C2CD3: variants seen among roughly 807,000 people sequenced by gnomAD.
C2CD3 encodes C2 domain-containing protein 3.
Under a neutral mutation model 234.0 loss-of-function variants are expected in C2CD3, and 148 were observed. The observed-to-expected ratio is 0.63, with a 90% CI of 0.55 to 0.72. C2CD3 has a LOEUF of 0.72. Ranked by LOEUF, C2CD3 falls within the 30% of genes least tolerant of loss-of-function variation. The pLI is 0.00. For synonymous variants in C2CD3, 1,000 were observed against 1,035.4 expected (o/e 0.97, Z 0.66); for missense variants, 2,577 against 2,811.5 (o/e 0.92, Z 1.89).
At chr11:74,150,519 A>AAAAAAAAAAAAAAAAAAAT (rs1855555255) in intron 3 of C2CD3, among the ~76,000 whole-genome samples, 1 of 76,322 alleles carries the variant, frequency 1.3e-5, no homozygotes, top group Non-Finnish European at 2.9e-5. Context: ...AAAAAAACAA[A>AAAAAAAAAAAAAAAAAAAT]AAAAAAACAA....
intron 3 of C2CD3, among the ~76,000 whole-genome samples, chr11:74,152,364 C>G (rs917492623): frequency 5.3e-5 from 8 of 152,178 alleles, no homozygotes; most frequent in Admixed American, 2.6e-4. Flanking sequence ...AGATTACCTA[C>G]ACAGCCCTGA....
chr11:74,139,615 T>C lies in C2CD3; in HGVS notation c.697A>G (p.Thr233Ala), dbSNP rs1957979244. 4.3e-6 allele frequency: 7 copies of C among 1,611,432 alleles called. No individual in the cohort carries two copies. Among genetic ancestry groups the C allele is most frequent in the African/African-American group, 1.3e-5 (1 of 74,860 alleles). ...KELAANSSRS[T>A]TPRGKDHVCF... ...AGGTATGGTAATTACCTCGGAGTGG[T>C]TGATCTACTGCTGTTGGCTGCTAAC... is the stretch of plus-strand genomic sequence containing the variant. The change falls in exon 4 of 33, where the codon ACC becomes GCC. Residue 233 changes from threonine (T) to alanine (A), a missense_variant. Thr to Ala is a moderately conservative substitution (Grantham distance 58). Transcript: ENST00000334126.
intron 15 of C2CD3, 71 bp downstream of exon 15, chr11:74,100,454 A>G (rs1956270552): frequency 1.4e-6 from 2 of 1,418,576 alleles, no homozygotes; most frequent in African/African-American, 1.4e-5. Context: ...TTGCAAATCA[A>G]AAGAATTCCT....
At chr11:74,083,827 G>A (rs537573124) in intron 22 of C2CD3, among the ~76,000 whole-genome samples, 85 of 152,214 alleles carry the variant, frequency 5.6e-4, no homozygotes, top group African/African-American at 1.6e-3. Context: ...AAATAGGAAC[G>A]CTTTTACACT....
At chr11:74,020,906 G>T (rs943499634) in intron 32 of C2CD3, among the ~76,000 whole-genome samples, 3 of 152,214 alleles carry the variant, frequency 2.0e-5, no homozygotes. Flanking sequence ...AAAGTTAACA[G>T]GATGCTGTAT....
At chr11:74,140,060 T>C (rs200899415) in intron 3 of C2CD3, among the ~76,000 whole-genome samples, 1 of 143,890 alleles carries the variant, frequency 6.9e-6, no homozygotes, top group East Asian at 2.0e-4. Context: ...TAGAGGATTG[T>C]AAGGAATGTC....
At chr11:74,097,046 G>T (rs1956137026) in intron 16 of C2CD3, among the ~76,000 whole-genome samples, 1 of 151,836 alleles carries the variant, frequency 6.6e-6, no homozygotes, top group African/African-American at 2.4e-5. Flanking sequence ...CTACCCGGGA[G>T]GCCAAGGCAG....
intron 32 of C2CD3, among the ~76,000 whole-genome samples, chr11:74,018,967 C>T (rs1951979087): frequency 6.6e-6 from 1 of 152,186 alleles, no homozygotes. Flanking sequence ...CGGACAGGCC[C>T]ATTCTACAGG....
chr11:74,026,962 C>CAA (rs34906978), intron 32 of C2CD3, among the ~76,000 whole-genome samples: 5,130 of 104,994 alleles, frequency 0.049, 166 homozygotes, highest in African/African-American at 0.084. Context: ...GAATAAGCCT[C>CAA]AAAAAAAAAA....
chr11:74,072,171 T>G (rs1417366818), intron 24 of C2CD3, among the ~76,000 whole-genome samples: 1 of 152,122 alleles, frequency 6.6e-6, no homozygotes, highest in East Asian at 1.9e-4. Context: ...CAAGTAAAAA[T>G]TGTTCAATTT....
At chr11:74,043,451 A>G (rs1238133819) in intron 28 of C2CD3, among the ~76,000 whole-genome samples, 1 of 152,246 alleles carries the variant, frequency 6.6e-6, no homozygotes, top group African/African-American at 2.4e-5. Context: ...ACATACGTGT[A>G]CAAGTTTTTG....
chr11:74,109,959 T>G (rs193048600), intron 11 of C2CD3, among the ~76,000 whole-genome samples: 2,379 of 150,252 alleles, frequency 0.016, 56 homozygotes, highest in African/African-American at 0.035. Flanking sequence ...CAGACGCCTG[T>G]AGTCCCAGCT....
intron 32 of C2CD3, among the ~76,000 whole-genome samples, chr11:74,023,836 T>C (rs1360231747): frequency 6.6e-6 from 1 of 152,182 alleles, no homozygotes; most frequent in East Asian, 1.9e-4. Flanking sequence ...ACAGCCTAAT[T>C]TGTGGAAGGA....
At chr11:74,132,659 G>T (rs1366597552) in intron 7 of C2CD3, among the ~76,000 whole-genome samples, 185 bp downstream of exon 7, 1 of 152,190 alleles carries the variant, frequency 6.6e-6, no homozygotes, top group Non-Finnish European at 1.5e-5. Flanking sequence ...TTCTGTAAGT[G>T]AAGCCAAAAG....
intron 31 of C2CD3, among the ~76,000 whole-genome samples, 185 bp from the exon 32 acceptor site, chr11:74,028,583 A>C (rs1053929054): frequency 1.3e-5 from 2 of 152,102 alleles, no homozygotes; most frequent in African/African-American, 2.4e-5. Flanking sequence ...AACACATATA[A>C]GTTTTTTATG....
chr11:74,094,162 A>G (rs1956014023), intron 17 of C2CD3, among the ~76,000 whole-genome samples, 163 bp from the exon 18 acceptor site: 1 of 151,232 alleles, frequency 6.6e-6, no homozygotes, highest in Non-Finnish European at 1.5e-5. Context: ...CTGGTGGACA[A>G]TTCATATATT....
At chr11:74,146,731 C>T (rs935681218) in intron 3 of C2CD3, among the ~76,000 whole-genome samples, 23 of 147,798 alleles carry the variant, frequency 1.6e-4, no homozygotes, top group African/African-American at 5.9e-4. Flanking sequence ...CACACACACA[C>T]ACACACACAC....
At position 74,048,242 on chromosome 11, in the gene C2CD3, C is replaced by T; in HGVS notation, c.5458G>A (p.Ala1820Thr). The change falls in exon 28 of 33, where the codon GCC (alanine) becomes ACC (threonine). Residue 1820 changes from alanine to threonine, a missense_variant. Coordinates refer to ENST00000334126, the MANE Select transcript of C2CD3 (RefSeq NM_001286577.2). ...GAGAAATCAAGCTCCTTTGAGGAGG[C>T]ATGAGCAAGTTGGTCTAGGGTCTGC... ...ARQTLDQLAH[A>T]SSKELDFSSP... 6.2e-7 allele frequency: 1 copy of T among 1,613,626 alleles called. No homozygotes were observed. The highest frequency in any genetic ancestry group is 8.5e-7 in the Non-Finnish European group (1 of 1,179,768).
intron 26 of C2CD3, among the ~76,000 whole-genome samples, chr11:74,053,518 C>G (rs186363427): frequency 3.3e-4 from 50 of 152,348 alleles, no homozygotes; most frequent in African/African-American, 1.2e-3. Flanking sequence ...TGTTATGCCT[C>G]TTAATAAAAC....
Sources: allele counts gnomAD v4.1 joint callset (sites outside exome capture counted in the v4.1 genomes callset), GRCh38; gene constraint gnomAD v4.1.1; transcripts MANE v1.5; gene names NCBI Gene and HGNC (gene_info 2026-07-23, HGNC 2026-07-21).